MOCOS: variants seen among roughly 807,000 people sequenced by gnomAD.
The protein encoded by MOCOS is human molybdenum cofactor sulfurase.
In MOCOS, 86 loss-of-function variants were observed where a neutral mutation model predicts 83.6. That is an observed-to-expected ratio of 1.03 (90% CI 0.86 to 1.23). MOCOS has a LOEUF of 1.23. MOCOS is among the 50% of genes most tolerant of loss of function. The pLI is 0.00. For missense variants in MOCOS, 1,120 were observed against 1,126.9 expected, an observed-to-expected ratio of 0.99 and a Z score of 0.09; for synonymous variants, 445 against 434.7, an observed-to-expected ratio of 1.02 and a Z score of -0.29.
In MOCOS at chr18:36,226,102, A is replaced by G. The variant is rs75879193; in HGVS notation, c.1960+5885A>G. On this transcript the variant is annotated intron_variant, in intron 9 of 14. Transcript: ENST00000261326. ...TGATTCAAGTCCTCCCTTGATCTTC[A>G]GTTTGCATGTTCTGTCCATTATTGA... Among the ~76,000 whole-genome samples, 1,347 of 152,052 alleles carry G rather than the reference A, an allele frequency of 8.9e-3. 14 individuals are homozygous for G. The highest frequency in any genetic ancestry group is 0.031 in the African/African-American group (1,267 of 41,460).
At chr18:36,200,541 C>T (rs531829624) in intron 4 of MOCOS, among the ~76,000 whole-genome samples, 4 of 152,172 alleles carry the variant, frequency 2.6e-5, no homozygotes, top group African/African-American at 4.8e-5. Context: ...ATTTGAGAGG[C>T]TTCTCCAGAG....
At chr18:36,238,852 CTCT>C (rs2091569891) in intron 9 of MOCOS, among the ~76,000 whole-genome samples, 1 of 136,436 alleles carries the variant, frequency 7.3e-6, no homozygotes, top group Admixed American at 7.7e-5. Flanking sequence ...GGATAGTTAG[CTCT>C]TCTTGTTGAA....
rs116954673 is a variant in MOCOS at position 36,234,124 on chromosome 18, G to C, written c.1960+13907G>C. 1.8e-3 allele frequency among the ~76,000 whole-genome samples: 275 copies of C among 152,226 alleles called. 11 individuals are homozygous for C. The East Asian group carries it at 0.049, about 27-fold the overall frequency. ...CTTTGCTTACCGCAATATCTAGAAG[G>C]GTTTTTCCAATGTTACCTTCTAGGA... On this transcript the variant is annotated intron_variant, in intron 9 of 14. Coordinates refer to ENST00000261326, the MANE Select transcript of MOCOS (RefSeq NM_017947.4).
chr18:36,215,760 G>A lies in MOCOS; in HGVS notation c.1580G>A (p.Arg527His), dbSNP rs373264548. 1.1e-5 allele frequency: 18 copies of A among 1,614,060 alleles called. No individual in the cohort carries two copies. The highest frequency in any genetic ancestry group is 9.3e-5 in the African/African-American group (7 of 74,938). Residue 527 changes from arginine (R) to histidine (H), a missense_variant, in exon 8 of 15, where the codon CGT becomes CAT. Physicochemically the swap from Arg to His is conservative, Grantham distance 29 (BLOSUM62 0). Coordinates refer to ENST00000261326, the MANE Select transcript of MOCOS (RefSeq NM_017947.4). The part of the protein sequence containing the change: ...ADVIPAVMGR[R>H]SLSPQEDALT... ...GTTATACCTGCTGTCATGGGCAGAC[G>A]TAGCCTCTCGCCTCAGGAAGATGCC...
intron 9 of MOCOS, 101 bp from the exon 10 acceptor site, chr18:36,248,821 A>C (rs2091611911): frequency 9.8e-6 from 9 of 918,242 alleles, no homozygotes; most frequent in South Asian, 9.7e-5. Context: ...TTATGTCAGT[A>C]CCATGCTGTT....
At chr18:36,230,503 C>T (rs762929515) in intron 9 of MOCOS, among the ~76,000 whole-genome samples, 4 of 152,184 alleles carry the variant, frequency 2.6e-5, no homozygotes, top group African/African-American at 9.7e-5. Flanking sequence ...CCAACTCTTT[C>T]GTCCCTTAGG....
At chr18:36,216,207 AT>A (rs1281308201) in intron 8 of MOCOS, among the ~76,000 whole-genome samples, 3 of 152,114 alleles carry the variant, frequency 2.0e-5, no homozygotes, top group African/African-American at 7.2e-5. Flanking sequence ...CATTACTCTT[AT>A]TAATTATAGC....
intron 6 of MOCOS, 43 bp from the exon 7 acceptor site, chr18:36,213,323 G>A (rs374684705): frequency 3.9e-5 from 57 of 1,466,940 alleles, no homozygotes; most frequent in Non-Finnish European, 4.9e-5. Context: ...GAGTAAAACT[G>A]CACGTTGGTA....
intron 9 of MOCOS, among the ~76,000 whole-genome samples, chr18:36,241,831 C>G (rs1322851266): frequency 1.3e-5 from 2 of 152,228 alleles, no homozygotes; most frequent in African/African-American, 2.4e-5. Context: ...TGGAAGCCAC[C>G]AAGGCTTGGG....
chr18:36,210,926 A>G (rs2091453440), intron 6 of MOCOS, among the ~76,000 whole-genome samples: 1 of 148,194 alleles, frequency 6.7e-6, no homozygotes, highest in Non-Finnish European at 1.5e-5. Context: ...GTAGTGGAGA[A>G]GAAGCCTCCA....
At chr18:36,237,064 C>T (rs1423383114) in intron 9 of MOCOS, among the ~76,000 whole-genome samples, 1 of 148,048 alleles carries the variant, frequency 6.8e-6, no homozygotes, top group Non-Finnish European at 1.5e-5. Flanking sequence ...GATATACAAT[C>T]ATGTCATCTG....
At chr18:36,253,019 G>A (rs901008021) in intron 11 of MOCOS, among the ~76,000 whole-genome samples, 1 of 152,110 alleles carries the variant, frequency 6.6e-6, no homozygotes, top group Non-Finnish European at 1.5e-5. Context: ...TAAAGGGAGA[G>A]AGAAATAGGC....
rs1391750595 is a variant in MOCOS at position 36,268,717 on chromosome 18, C to T, written c.*32C>T. ...TTTTTAGCATAAAGTTTCTCTTTTACAGTGATCTCTATTATTGTTAAGATC... is the reference window on the plus strand; with the variant it reads ...TTTTTAGCATAAAGTTTCTCTTTTATAGTGATCTCTATTATTGTTAAGATC... On this transcript the variant is annotated 3_prime_UTR_variant, in exon 15 of 15. Transcript: ENST00000261326. 6.5e-7 allele frequency: 1 copy of T among 1,540,558 alleles called. No individual in the cohort carries two copies. Among genetic ancestry groups the T allele is most frequent in the East Asian group, 2.2e-5 (1 of 44,490 alleles).
At position 36,248,098 on chromosome 18, in the gene MOCOS, A is replaced by C. The variant is rs534606233; in HGVS notation, c.1961-824A>C. Among the ~76,000 whole-genome samples, 4 of 152,252 alleles carry C rather than the reference A, an allele frequency of 2.6e-5. No individual in the cohort carries two copies. The East Asian group carries it at 7.7e-4, about 29-fold the overall frequency. ...TGTGTCAGAGTTCCCCTTTCTCTGCATCCTCACCAGCATTTGTTATTTTTT... is the reference window on the plus strand; with the variant it reads ...TGTGTCAGAGTTCCCCTTTCTCTGCCTCCTCACCAGCATTTGTTATTTTTT... On this transcript the variant is annotated intron_variant, in intron 9 of 14. Transcript: ENST00000261326.
Position 36,199,762 on chromosome 18 carries a change from G to A in MOCOS, c.379G>A (p.Val127Met). The change falls in exon 4 of 15, where the codon GTG becomes ATG. Residue 127 changes from valine (V) to methionine (M), a missense_variant. Physicochemically the swap from Val to Met is conservative, Grantham distance 21. Transcript: ENST00000261326. ...TAGSTAALKL[V>M]AEAFPWVSQG... The stretch of plus-strand genomic sequence containing the variant: ...CGGGAGCACGGCTGCTCTCAAACTG[G>A]TGGCAGAGGCCTTTCCATGGGTGTC... The A allele has an allele frequency of 1.2e-6, 2 of 1,614,180 alleles. No homozygotes were observed. Among genetic ancestry groups the A allele is most frequent in the East Asian group, 2.2e-5 (1 of 44,884 alleles).
At chr18:36,263,301 A>G (rs2091670333) in intron 13 of MOCOS, among the ~76,000 whole-genome samples, 2 of 152,210 alleles carry the variant, frequency 1.3e-5, no homozygotes, top group African/African-American at 4.8e-5. Flanking sequence ...ATGAAAAGGA[A>G]AGACAGTTAT....
chr18:36,254,479 T>TGC (rs1255410855), intron 11 of MOCOS, among the ~76,000 whole-genome samples: 2 of 122,294 alleles, frequency 1.6e-5, no homozygotes, highest in East Asian at 4.7e-4. Flanking sequence ...TGTGTGTGTG[T>TGC]GTGTGTGTGT....
chr18:36,196,311 TTC>T (rs2091387570), intron 2 of MOCOS, among the ~76,000 whole-genome samples: 1 of 152,222 alleles, frequency 6.6e-6, no homozygotes, highest in South Asian at 2.1e-4. Context: ...GCTATGAGCT[TTC>T]TCTCTTCAGC....
intron 1 of MOCOS, among the ~76,000 whole-genome samples, chr18:36,188,768 GCCT>G (rs1367293732): frequency 2.0e-5 from 3 of 152,048 alleles, no homozygotes; most frequent in Admixed American, 2.0e-4. Flanking sequence ...GAGAACTGTG[GCCT>G]CCTCCTGTGT....
Sources: allele counts gnomAD v4.1 joint callset (sites outside exome capture counted in the v4.1 genomes callset), GRCh38; gene constraint gnomAD v4.1.1; transcripts MANE v1.5; gene names NCBI Gene and HGNC (gene_info 2026-07-23, HGNC 2026-07-21).